Variants in RPS6KC1 observed in about 807,000 individuals in gnomAD.
RPS6KC1 encodes inactive ribosomal protein S6 kinase delta-1.
RPS6KC1 carries 54 observed loss-of-function variants against 103.8 expected under a neutral mutation model. That is an observed-to-expected ratio of 0.52 (90% CI 0.42 to 0.65). The LOEUF is 0.65. RPS6KC1 is among the 30% of genes least tolerant of loss of function. The pLI is 0.00. For missense variants in RPS6KC1, 1,151 were observed against 1,253.8 expected, an observed-to-expected ratio of 0.92 and a Z score of 1.24; for synonymous variants, 439 against 438.7, an observed-to-expected ratio of 1.00 and a Z score of -0.01.
chr1:213,054,279 A>G (rs922078358), intron 1 of RPS6KC1, among the ~76,000 whole-genome samples: 2 of 152,228 alleles, frequency 1.3e-5, no homozygotes, highest in Non-Finnish European at 2.9e-5. Flanking sequence ...GGTTATTTGA[A>G]CTTGAAAATT....
chr1:213,246,761 C>CA (rs1443705886), intron 12 of RPS6KC1, among the ~76,000 whole-genome samples: 267 of 144,772 alleles, frequency 1.8e-3, no homozygotes, highest in East Asian at 6.6e-3. Flanking sequence ...ATATAAAATA[C>CA]AAAAAAAAAA....
At chr1:213,086,023 C>T (rs1391988887) in intron 3 of RPS6KC1, among the ~76,000 whole-genome samples, 2 of 152,086 alleles carry the variant, frequency 1.3e-5, no homozygotes, top group Admixed American at 6.5e-5. Context: ...ACCATTTCTT[C>T]AAGGAACCCT....
chr1:213,604,951 T>C, the RPS6KC1 span, among the ~76,000 whole-genome samples: 1 of 152,144 alleles, frequency 6.6e-6, no homozygotes, highest in African/African-American at 2.4e-5. Flanking sequence ...CAGTTTCTAG[T>C]TCTCCAACTC....
chr1:213,826,843 C>T, the RPS6KC1 span, among the ~76,000 whole-genome samples: 2 of 152,174 alleles, frequency 1.3e-5, no homozygotes, highest in African/African-American at 4.8e-5. Flanking sequence ...GCATCTTACC[C>T]TTGGATCCAT....
At position 213,272,952 on chromosome 1, in the gene RPS6KC1, T is replaced by C. The variant is rs2095078422; in HGVS notation, c.*318T>C. 1 of 198,542 alleles carries C rather than the reference T, an allele frequency of 5.0e-6. No homozygotes were observed. Among genetic ancestry groups the C allele is most frequent in the South Asian group, 1.1e-4 (1 of 8,976 alleles). 12.3% of individuals were successfully genotyped at this position (198,542 alleles called of 1,614,324 possible). On this transcript the variant is annotated 3_prime_UTR_variant, in exon 15 of 15. Transcript: ENST00000366960. ...TCAAGAAGTTCCTCTGATAGGAAGC[T>C]AGAAGTGTAGAATGAAGTTTTACTT...
At chr1:213,729,634 C>T in the RPS6KC1 span, among the ~76,000 whole-genome samples, 1 of 152,156 alleles carries the variant, frequency 6.6e-6, no homozygotes, top group Non-Finnish European at 1.5e-5. Context: ...GGGCTGTGAA[C>T]AGATCATGAA....
At chr1:213,733,973 C>T in the RPS6KC1 span, among the ~76,000 whole-genome samples, 1 of 152,106 alleles carries the variant, frequency 6.6e-6, no homozygotes, top group South Asian at 2.1e-4. Flanking sequence ...ATGTTTGAGG[C>T]CTTAAAATAG....
chr1:213,217,134 T>C (rs541786286), intron 8 of RPS6KC1, among the ~76,000 whole-genome samples: 96 of 151,298 alleles, frequency 6.3e-4, no homozygotes, highest in Non-Finnish European at 1.1e-3. Context: ...GCAAGACTAA[T>C]ACAGAAGAAA....
the RPS6KC1 span, among the ~76,000 whole-genome samples, chr1:213,826,256 G>A: frequency 6.6e-6 from 1 of 152,054 alleles, no homozygotes; most frequent in African/African-American, 2.4e-5. Flanking sequence ...TTTCAATGTT[G>A]ACAAGTACAG....
the RPS6KC1 span, among the ~76,000 whole-genome samples, chr1:213,482,450 A>G: frequency 1.4e-5 from 2 of 140,948 alleles, no homozygotes; most frequent in African/African-American, 2.7e-5. Flanking sequence ...AAGTTTAAAC[A>G]TTTTCTTTTT....
chr1:213,490,473 C>T, the RPS6KC1 span, among the ~76,000 whole-genome samples: 1 of 152,144 alleles, frequency 6.6e-6, no homozygotes, highest in Admixed American at 6.5e-5. Flanking sequence ...TGAGGTGAAG[C>T]GGGCCTCTGT....
At chr1:213,072,189 G>A (rs1163417260) in intron 2 of RPS6KC1, among the ~76,000 whole-genome samples, 4 of 151,066 alleles carry the variant, frequency 2.6e-5, no homozygotes, top group African/African-American at 9.7e-5. Context: ...GTGGTAGGTT[G>A]TTTCTGTTTA....
At chr1:213,672,774 A>C in the RPS6KC1 span, among the ~76,000 whole-genome samples, 1 of 152,186 alleles carries the variant, frequency 6.6e-6, no homozygotes. Flanking sequence ...ACAGTGGGCT[A>C]GATGTTTTTA....
the RPS6KC1 span, among the ~76,000 whole-genome samples, chr1:213,724,417 C>A: frequency 6.6e-6 from 1 of 152,194 alleles, no homozygotes; most frequent in Non-Finnish European, 1.5e-5. Flanking sequence ...TTTAAAGCCA[C>A]AAATGTGTGC....
chr1:213,421,011 C>A, the RPS6KC1 span, among the ~76,000 whole-genome samples: 1 of 152,198 alleles, frequency 6.6e-6, no homozygotes, highest in Non-Finnish European at 1.5e-5. Context: ...TGGATTAGGG[C>A]CCATCCTAAT....
chr1:213,625,436 T>TA, the RPS6KC1 span, among the ~76,000 whole-genome samples: 114 of 152,106 alleles, frequency 7.5e-4, no homozygotes, highest in African/African-American at 2.7e-3. Flanking sequence ...GGGGCTCTTT[T>TA]TTTTTATTAT....
intron 14 of RPS6KC1, among the ~76,000 whole-genome samples, chr1:213,267,751 G>A (rs2094945221): frequency 6.6e-6 from 1 of 151,794 alleles, no homozygotes; most frequent in African/African-American, 2.4e-5. Context: ...CTAAGTAGAA[G>A]TCACAAGTTG....
chr1:213,154,523 C>G (rs1332763989), intron 6 of RPS6KC1, among the ~76,000 whole-genome samples: 1 of 152,242 alleles, frequency 6.6e-6, no homozygotes, highest in Non-Finnish European at 1.5e-5. Context: ...AAGCCTTACC[C>G]CATAGCCACT....
At chr1:213,623,122 C>T in the RPS6KC1 span, among the ~76,000 whole-genome samples, 5 of 152,234 alleles carry the variant, frequency 3.3e-5, no homozygotes, top group East Asian at 3.9e-4. Flanking sequence ...AGAAGGAAGG[C>T]GATTGCAGTT....
Sources: allele counts gnomAD v4.1 joint callset (sites outside exome capture counted in the v4.1 genomes callset), GRCh38; gene constraint gnomAD v4.1.1; transcripts MANE v1.5; gene names NCBI Gene and HGNC (gene_info 2026-07-23, HGNC 2026-07-21).